Variants in APP observed in about 807,000 individuals in gnomAD.
The protein encoded by APP is amyloid-beta precursor protein.
Under a neutral mutation model 101.4 loss-of-function variants are expected in APP, and 31 were observed. The observed-to-expected ratio is 0.31, with a 90% confidence interval of 0.23 to 0.41. The LOEUF (loss-of-function observed/expected upper bound fraction) is 0.41, where lower values mean the gene tolerates loss of function less well. APP is among the 10% of genes least tolerant of loss of function. The pLI is 1.00. For synonymous variants in APP, 366 were observed against 364.4 expected (o/e 1.00, Z -0.05); for missense variants, 839 against 1,003.7 (o/e 0.84, Z 2.22).
At chr21:25,987,504 T>C (rs2042683353) in intron 8 of APP, among the ~76,000 whole-genome samples, 1 of 152,194 alleles carries the variant, frequency 6.6e-6, no homozygotes, top group South Asian at 2.1e-4. Flanking sequence ...AGGGGCATGG[T>C]AGGATATATA....
chr21:26,141,897 G>A (rs1327351431), intron 1 of APP, among the ~76,000 whole-genome samples: 1 of 152,200 alleles, frequency 6.6e-6, no homozygotes, highest in Non-Finnish European at 1.5e-5. Context: ...CTAGACCTGT[G>A]GAAGGCCCTC....
chr21:25,893,340 A>G (rs936129353), intron 16 of APP, among the ~76,000 whole-genome samples: 1 of 152,222 alleles, frequency 6.6e-6, no homozygotes, highest in African/African-American at 2.4e-5. Flanking sequence ...AAGTGAAAGG[A>G]AGAGTCACAG....
At chr21:25,929,017 G>T (rs2040025389) in intron 13 of APP, 1 of 152,252 alleles carries the variant, frequency 6.6e-6, no homozygotes. Context: ...ACTGCACCCG[G>T]CCTGATCCCT....
intron 1 of APP, among the ~76,000 whole-genome samples, chr21:26,136,979 C>A (rs796234988): frequency 3.0e-4 from 45 of 152,228 alleles, no homozygotes; most frequent in African/African-American, 8.7e-4. Flanking sequence ...TGCACCTATG[C>A]CTCCTGGGTT....
chr21:25,954,480 A>T (rs941115551), intron 13 of APP, 110 bp downstream of exon 13: 2 of 975,340 alleles, frequency 2.1e-6, no homozygotes, highest in Non-Finnish European at 3.2e-6. Flanking sequence ...CGTAAAAGGC[A>T]AGCTGTTCTA....
At chr21:26,132,600 T>C (rs1364518512) in intron 1 of APP, among the ~76,000 whole-genome samples, 2 of 152,232 alleles carry the variant, frequency 1.3e-5, no homozygotes, top group African/African-American at 2.4e-5. Context: ...ATTTCTGCTT[T>C]ATTACTTGGA....
At chr21:25,981,015 G>A (rs1373248189) in intron 9 of APP, among the ~76,000 whole-genome samples, 1 of 152,172 alleles carries the variant, frequency 6.6e-6, no homozygotes, top group African/African-American at 2.4e-5. Flanking sequence ...GTTGTCCCTA[G>A]TGGTCTGGTA....
Position 25,881,134 on chromosome 21 carries a change from C to T in APP, c.*536G>A, listed in dbSNP as rs1568996746. On this transcript the variant is annotated 3_prime_UTR_variant, in exon 18 of 18. Transcript: ENST00000346798. ...AATATAGCAGAAGCAGCAATCTGTA[C>T]AGTAAAATGCAGTCATGGAAAAAAA... 1 of 180,800 alleles carries T rather than the reference C, an allele frequency of 5.5e-6. No homozygotes were observed. The highest frequency in any genetic ancestry group is 2.4e-5 in the African/African-American group (1 of 41,822). The allele number at this position is 180,800 out of a possible 1,614,324, so 11.2% of individuals were successfully genotyped here.
intron 17 of APP, among the ~76,000 whole-genome samples, chr21:25,882,177 T>A (rs537377903): frequency 1.3e-5 from 2 of 151,826 alleles, no homozygotes; most frequent in Non-Finnish European, 2.9e-5. Flanking sequence ...AAGAGTATCA[T>A]GGAGGGAGAT....
chr21:25,960,500 T>C (rs1456495144), intron 11 of APP, among the ~76,000 whole-genome samples: 1 of 152,164 alleles, frequency 6.6e-6, no homozygotes, highest in Non-Finnish European at 1.5e-5. Context: ...TTCCAGCCTC[T>C]GTATAAGGGC....
intron 3 of APP, among the ~76,000 whole-genome samples, chr21:26,054,620 G>GTTT (rs369608335): frequency 4.4e-4 from 48 of 107,990 alleles, no homozygotes; most frequent in South Asian, 1.7e-3. Flanking sequence ...TAGGCCAAAA[G>GTTT]TTTTTTTTTT....
chr21:25,911,499 G>GT (rs1256795719), intron 14 of APP, among the ~76,000 whole-genome samples: 1 of 152,124 alleles, frequency 6.6e-6, no homozygotes, highest in African/African-American at 2.4e-5. Flanking sequence ...ACAATTGGCA[G>GT]TTTACATGCT....
intron 15 of APP, among the ~76,000 whole-genome samples, chr21:25,899,098 C>A (rs975927213): frequency 1.3e-5 from 2 of 152,166 alleles, no homozygotes; most frequent in Admixed American, 1.3e-4. Flanking sequence ...AAGAGACCCA[C>A]AATCAATGTC....
chr21:26,023,058 G>C (rs1033424997), intron 5 of APP, among the ~76,000 whole-genome samples: 4 of 151,932 alleles, frequency 2.6e-5, no homozygotes, highest in Non-Finnish European at 4.4e-5. Context: ...CACACAGGTG[G>C]AAGATGAAAC....
At chr21:25,954,439 T>C (rs1271148722) in intron 13 of APP, 151 bp downstream of exon 13, 2 of 730,958 alleles carry the variant, frequency 2.7e-6, no homozygotes, top group East Asian at 2.7e-5. Context: ...TTGCTAAGGC[T>C]AGTAAGCTAG....
chr21:26,143,022 T>C (rs1234526263), intron 1 of APP, among the ~76,000 whole-genome samples: 7 of 152,220 alleles, frequency 4.6e-5, no homozygotes, highest in African/African-American at 1.2e-4. Context: ...CTTTCCATAA[T>C]TGTCAACTTT....
chr21:25,963,014 A>G (rs969202428), intron 11 of APP, among the ~76,000 whole-genome samples: 1 of 152,052 alleles, frequency 6.6e-6, no homozygotes, highest in African/African-American at 2.4e-5. Context: ...GGGTTTCACT[A>G]TGTTGGATAG....
At chr21:26,170,955 GC>G (rs2063735019), upstream of APP, 2 of 231,794 alleles carry the variant, frequency 8.6e-6, no homozygotes, top group Non-Finnish European at 1.7e-5. Flanking sequence ...CACCCCACGC[GC>G]CCCCTCCGCT....
At chr21:25,980,005 G>T (rs1460925760) in intron 9 of APP, among the ~76,000 whole-genome samples, 1 of 152,224 alleles carries the variant, frequency 6.6e-6, no homozygotes, top group Non-Finnish European at 1.5e-5. Context: ...TGAGTATGAA[G>T]TGGGGTGTAA....
Sources: allele counts gnomAD v4.1 joint callset (sites outside exome capture counted in the v4.1 genomes callset), GRCh38; gene constraint gnomAD v4.1.1; transcripts MANE v1.5; gene names NCBI Gene and HGNC (gene_info 2026-07-23, HGNC 2026-07-21).